Variants in TRABD2B observed in about 807,000 individuals in gnomAD.
TRABD2B encodes the protein TraB domain containing 2B, also known as metalloprotease TIKI2.
In TRABD2B, 14 loss-of-function variants were observed where a neutral mutation model predicts 40.1. The observed-to-expected ratio is 0.35, with a 90% CI of 0.23 to 0.55. TRABD2B has a LOEUF of 0.55. TRABD2B is among the 20% of genes least tolerant of loss of function. The pLI is 0.90. For missense variants in TRABD2B, 541 were observed against 648.6 expected (o/e 0.83, Z 1.80); for synonymous variants, 263 against 277.0 (o/e 0.95, Z 0.50).
chr1:47,829,520 G>C (rs1439712541), intron 2 of TRABD2B, among the ~76,000 whole-genome samples: 2 of 152,098 alleles, frequency 1.3e-5, no homozygotes, highest in African/African-American at 2.4e-5. Context: ...CCTGGGCTGG[G>C]GTCAGCCCGG....
At chr1:47,851,275 A>G (rs1645546522) in intron 2 of TRABD2B, among the ~76,000 whole-genome samples, 1 of 150,784 alleles carries the variant, frequency 6.6e-6, no homozygotes. Context: ...GGCCCACCCC[A>G]GCCCTTCAGA....
At chr1:47,916,195 C>T (rs543239884) in intron 2 of TRABD2B, among the ~76,000 whole-genome samples, 5 of 152,180 alleles carry the variant, frequency 3.3e-5, no homozygotes, top group Admixed American at 2.0e-4. Flanking sequence ...CAGCAGCAGA[C>T]GGAGATGAAA....
chr1:47,784,143 C>G (rs1378305091), intron 4 of TRABD2B, among the ~76,000 whole-genome samples: 1 of 152,146 alleles, frequency 6.6e-6, no homozygotes, highest in Non-Finnish European at 1.5e-5. Context: ...AGGAAACAGG[C>G]TCAGTGAGGG....
At chr1:47,774,078 C>T (rs893749245) in intron 6 of TRABD2B, among the ~76,000 whole-genome samples, 1 of 152,138 alleles carries the variant, frequency 6.6e-6, no homozygotes, top group African/African-American at 2.4e-5. Context: ...CAGGGCTTCC[C>T]ACAGCTGCTC....
intron 2 of TRABD2B, among the ~76,000 whole-genome samples, chr1:47,973,318 T>C (rs959583831): frequency 6.6e-5 from 10 of 152,230 alleles, no homozygotes; most frequent in Admixed American, 1.3e-4. Context: ...ACACTTGATA[T>C]TTGCATCTCC....
intron 2 of TRABD2B, among the ~76,000 whole-genome samples, chr1:47,964,253 G>A (rs1645564820): frequency 6.6e-6 from 1 of 152,158 alleles, no homozygotes; most frequent in Non-Finnish European, 1.5e-5. Context: ...ACCTGAGTCA[G>A]GCCCAAGGGG....
intron 2 of TRABD2B, among the ~76,000 whole-genome samples, chr1:47,906,711 C>T (rs995297243): frequency 2.6e-5 from 4 of 152,230 alleles, no homozygotes; most frequent in Non-Finnish European, 5.9e-5. Context: ...CCACAGCTGC[C>T]CCTGCAGTTC....
At chr1:47,785,804 C>T (rs1644587514) in intron 4 of TRABD2B, among the ~76,000 whole-genome samples, 1 of 152,216 alleles carries the variant, frequency 6.6e-6, no homozygotes, top group African/African-American at 2.4e-5. Context: ...CCAGAGGCTC[C>T]TTTTTTAGAA....
At chr1:47,832,020 C>A (rs571038543) in intron 2 of TRABD2B, among the ~76,000 whole-genome samples, 3 of 152,278 alleles carry the variant, frequency 2.0e-5, no homozygotes, top group South Asian at 4.2e-4. Context: ...GTCCTGGAGT[C>A]ATGTGAGTCA....
chr1:47,875,050 A>T (rs1483689904), intron 2 of TRABD2B, among the ~76,000 whole-genome samples: 1 of 152,070 alleles, frequency 6.6e-6, no homozygotes, highest in Non-Finnish European at 1.5e-5. Flanking sequence ...CGAAGGATGT[A>T]GCGCTTTCAC....
At chr1:47,967,569 C>T (rs1645622222) in intron 2 of TRABD2B, among the ~76,000 whole-genome samples, 1 of 152,142 alleles carries the variant, frequency 6.6e-6, no homozygotes, top group Non-Finnish European at 1.5e-5. Context: ...TTCTAGCTCA[C>T]AAAAGATTAA....
At chr1:47,891,801 CAAACAAAACAAAACA>C (rs71056644) in intron 2 of TRABD2B, among the ~76,000 whole-genome samples, 2 of 150,368 alleles carry the variant, frequency 1.3e-5, no homozygotes, top group East Asian at 3.9e-4. Flanking sequence ...GACCCAATTT[CAAACAAAACAAAACA>C]AAACAAAACA....
intron 2 of TRABD2B, among the ~76,000 whole-genome samples, chr1:47,824,232 A>T (rs190040292): frequency 2.0e-5 from 3 of 152,260 alleles, no homozygotes; most frequent in East Asian, 3.9e-4. Context: ...TTTTTGGAGA[A>T]GGCAGTGTCT....
chr1:47,852,846 A>G (rs1041395746), intron 2 of TRABD2B, among the ~76,000 whole-genome samples: 3 of 152,134 alleles, frequency 2.0e-5, no homozygotes, highest in Non-Finnish European at 4.4e-5. Context: ...CCTGCCCCAA[A>G]GTTGAGTATT....
chr1:47,906,894 G>C (rs1644685946), intron 2 of TRABD2B, among the ~76,000 whole-genome samples: 2 of 152,236 alleles, frequency 1.3e-5, no homozygotes, highest in Admixed American at 1.3e-4. Context: ...CCAATCCCTT[G>C]TGCTGTCGGT....
At chr1:47,968,170 A>T (rs79357569) in intron 2 of TRABD2B, among the ~76,000 whole-genome samples, 5 of 152,260 alleles carry the variant, frequency 3.3e-5, no homozygotes, top group African/African-American at 1.2e-4. Context: ...GAACTGTTCA[A>T]ATTAGCATAT....
intron 2 of TRABD2B, among the ~76,000 whole-genome samples, chr1:47,905,733 CT>C: frequency 6.6e-6 from 1 of 152,090 alleles, no homozygotes; most frequent in Non-Finnish European, 1.5e-5. Flanking sequence ...TTCTACCTCC[CT>C]TTTGTCCCCA....
intron 2 of TRABD2B, among the ~76,000 whole-genome samples, chr1:47,930,660 T>C (rs1291328299): frequency 6.6e-6 from 1 of 152,180 alleles, no homozygotes; most frequent in Admixed American, 6.5e-5. Flanking sequence ...CTTCATCCTC[T>C]GGTCTCCTCT....
chr1:47,881,718 C>T (rs1012672611), intron 2 of TRABD2B, among the ~76,000 whole-genome samples: 15 of 152,256 alleles, frequency 9.9e-5, no homozygotes, highest in African/African-American at 3.1e-4. Context: ...GCACGTGTGG[C>T]GGGCTTATCT....
Sources: allele counts gnomAD v4.1 joint callset (sites outside exome capture counted in the v4.1 genomes callset), GRCh38; gene constraint gnomAD v4.1.1; transcripts MANE v1.5; gene names NCBI Gene and HGNC (gene_info 2026-07-23, HGNC 2026-07-21).